KCNIP4: variants seen among roughly 807,000 people sequenced by gnomAD.
The protein encoded by KCNIP4 is potassium voltage-gated channel interacting protein 4, also known as Kv channel-interacting protein 4.
A neutral mutation model predicts 34.0 loss-of-function variants in KCNIP4; 12 were observed. The observed-to-expected ratio is 0.35, with a 90% CI of 0.23 to 0.57. KCNIP4 has a LOEUF of 0.57. Among genes scored for constraint, KCNIP4 ranks in the 20% least tolerant of loss-of-function variants. The pLI, the probability that KCNIP4 is intolerant of heterozygous loss-of-function variation, is 0.83. For synonymous variants in KCNIP4, 124 were observed against 102.2 expected, an observed-to-expected ratio of 1.21 and a Z score of -1.29; for missense variants, 238 against 311.7, an observed-to-expected ratio of 0.76 and a Z score of 1.78.
At chr4:21,813,493 T>C (rs538848401) in intron 1 of KCNIP4, among the ~76,000 whole-genome samples, 1 of 152,242 alleles carries the variant, frequency 6.6e-6, no homozygotes, top group African/African-American at 2.4e-5. Context: ...GAAAAACTTT[T>C]CAGAAACTTG....
intron 1 of KCNIP4, among the ~76,000 whole-genome samples, chr4:21,646,499 G>A (rs1015187228): frequency 3.3e-5 from 5 of 152,114 alleles, no homozygotes; most frequent in Non-Finnish European, 4.4e-5. Flanking sequence ...ATATTGAATC[G>A]CTATAGAATA....
intron 1 of KCNIP4, among the ~76,000 whole-genome samples, chr4:21,137,894 T>C (rs1751633258): frequency 2.7e-5 from 4 of 146,916 alleles, no homozygotes; most frequent in Non-Finnish European, 6.0e-5. Flanking sequence ...TTTTTTTTGA[T>C]GGAGTCTTGC....
intron 1 of KCNIP4, among the ~76,000 whole-genome samples, chr4:21,617,332 C>T (rs1349670721): frequency 6.6e-6 from 1 of 152,028 alleles, no homozygotes; most frequent in East Asian, 1.9e-4. Flanking sequence ...AGAAGTGGGT[C>T]ATTGTTTCAG....
rs144964481 is a variant in KCNIP4 at position 21,192,011 on chromosome 4, T to C, written c.62-309302A>G. Among the ~76,000 whole-genome samples, 84 of 152,320 alleles carry C rather than the reference T, an allele frequency of 5.5e-4. 1 individual carries two copies. Among genetic ancestry groups the C allele is most frequent in the African/African-American group, 1.9e-3 (79 of 41,586 alleles). On this transcript the variant is annotated intron_variant, in intron 1 of 8. Transcript: ENST00000382152. ...CCTAATATTAATCCATTTCATATTGTTTTATATTATAGTTAACATGAATTG... is the reference window on the plus strand; with the variant it reads ...CCTAATATTAATCCATTTCATATTGCTTTATATTATAGTTAACATGAATTG...
At chr4:21,640,421 G>T (rs914271052) in intron 1 of KCNIP4, among the ~76,000 whole-genome samples, 2 of 152,194 alleles carry the variant, frequency 1.3e-5, no homozygotes, top group Admixed American at 6.5e-5. Flanking sequence ...AGGATGAAAA[G>T]TGTGCCCTCT....
At chr4:20,948,602 G>A (rs959493125) in intron 1 of KCNIP4, among the ~76,000 whole-genome samples, 20 of 152,336 alleles carry the variant, frequency 1.3e-4, no homozygotes, top group Admixed American at 1.0e-3. Context: ...GTGCAGCTTT[G>A]CTTAAGCACA....
intron 1 of KCNIP4, among the ~76,000 whole-genome samples, chr4:20,931,457 T>A (rs911368893): frequency 6.6e-6 from 1 of 152,128 alleles, no homozygotes; most frequent in Non-Finnish European, 1.5e-5. Context: ...TATATACTAC[T>A]ACACAACTAG....
intron 1 of KCNIP4, among the ~76,000 whole-genome samples, chr4:21,498,789 A>G (rs564072526): frequency 6.6e-6 from 1 of 152,334 alleles, no homozygotes; most frequent in Admixed American, 6.5e-5. Flanking sequence ...AACTGTGCAG[A>G]TGAGAAACAA....
chr4:21,360,014 G>A (rs1001181738), intron 1 of KCNIP4, among the ~76,000 whole-genome samples: 3 of 152,074 alleles, frequency 2.0e-5, no homozygotes, highest in African/African-American at 7.2e-5. Context: ...GTTGACATTA[G>A]ATCCATCTAC....
intron 1 of KCNIP4, among the ~76,000 whole-genome samples, chr4:21,326,525 T>A (rs752627562): frequency 2.6e-4 from 40 of 151,704 alleles, no homozygotes; most frequent in South Asian, 1.2e-3. Flanking sequence ...ACAGGTGAAA[T>A]GTGTATCTTG....
intron 1 of KCNIP4, among the ~76,000 whole-genome samples, chr4:21,607,073 A>C (rs974949686): frequency 6.6e-6 from 1 of 151,774 alleles, no homozygotes; most frequent in African/African-American, 2.4e-5. Context: ...AGTAGGGTCC[A>C]TGAATTAAGA....
intron 1 of KCNIP4, among the ~76,000 whole-genome samples, chr4:20,949,871 G>A (rs1282410652): frequency 8.7e-6 from 1 of 114,642 alleles, no homozygotes; most frequent in Non-Finnish European, 1.8e-5. Context: ...GGTGGGGGGA[G>A]GGGGGAGGGA....
chr4:21,567,300 T>C (rs1739972144), intron 1 of KCNIP4, among the ~76,000 whole-genome samples: 1 of 152,022 alleles, frequency 6.6e-6, no homozygotes, highest in Admixed American at 6.6e-5. Context: ...TTTCCTTCTC[T>C]CATGAAGCTA....
chr4:20,810,572 G>A (rs1309250746), intron 3 of KCNIP4, among the ~76,000 whole-genome samples: 2 of 152,062 alleles, frequency 1.3e-5, no homozygotes, highest in South Asian at 4.1e-4. Flanking sequence ...TAACACTGAT[G>A]CCATTTACAA....
chr4:21,357,387 G>T (rs907859952), intron 1 of KCNIP4, among the ~76,000 whole-genome samples: 2 of 152,104 alleles, frequency 1.3e-5, no homozygotes, highest in East Asian at 3.9e-4. Flanking sequence ...GCAACCTATG[G>T]AATGGGAGAA....
At chr4:21,821,961 G>A (rs1722379470) in intron 1 of KCNIP4, among the ~76,000 whole-genome samples, 1 of 152,004 alleles carries the variant, frequency 6.6e-6, no homozygotes, top group Non-Finnish European at 1.5e-5. Flanking sequence ...AAGCATGTTT[G>A]ACAAATTCAC....
chr4:20,730,225 C>G, intron 8 of KCNIP4, 96 bp from the exon 9 acceptor site: 1 of 1,401,426 alleles, frequency 7.1e-7, no homozygotes, highest in Non-Finnish European at 9.5e-7. Flanking sequence ...CATCAACCAC[C>G]TCAACCACCT....
chr4:21,434,771 G>GA (rs59106181), intron 1 of KCNIP4, among the ~76,000 whole-genome samples: 270 of 128,738 alleles, frequency 2.1e-3, no homozygotes, highest in South Asian at 3.6e-3. Context: ...TCTGTGGGGG[G>GA]AAAAAAAAAA....
intron 1 of KCNIP4, among the ~76,000 whole-genome samples, chr4:21,009,332 T>C (rs12647868): frequency 6.6e-6 from 1 of 152,182 alleles, no homozygotes; most frequent in Non-Finnish European, 1.5e-5. Context: ...GCTTTGCAAG[T>C]GAGTGTCAAT....
Sources: gnomAD v4.1 joint callset for allele counts (sites outside exome capture counted in the v4.1 genomes callset) on GRCh38, gnomAD v4.1.1 for gene constraint, MANE v1.5 for transcripts, NCBI Gene and HGNC (gene_info 2026-07-23, HGNC 2026-07-21) for gene names.